FHIT: variants seen among roughly 807,000 people sequenced by gnomAD.
FHIT encodes the protein fragile histidine triad diadenosine triphosphatase, also known as bis(5'-adenosyl)-triphosphatase.
In FHIT, 19 loss-of-function variants were observed where a neutral mutation model predicts 17.9. That is an observed-to-expected ratio of 1.06 (90% CI 0.74 to 1.56). FHIT has a LOEUF of 1.56. FHIT is among the 40% of genes most tolerant of loss of function. The pLI is 0.00. For synonymous variants in FHIT, 81 were observed against 69.7 expected, an observed-to-expected ratio of 1.16 and a Z score of -0.81; for missense variants, 248 against 189.2, an observed-to-expected ratio of 1.31 and a Z score of -1.82.
intron 1 of FHIT, among the ~76,000 whole-genome samples, chr3:61,203,848 A>G (rs936955958): frequency 1.3e-5 from 2 of 152,242 alleles, no homozygotes; most frequent in African/African-American, 2.4e-5. Context: ...CTCTGTCTAT[A>G]TAAGCAAAGA....
intron 5 of FHIT, among the ~76,000 whole-genome samples, chr3:60,305,890 A>C (rs2106731597): frequency 6.6e-6 from 1 of 152,196 alleles, no homozygotes; most frequent in South Asian, 2.1e-4. Context: ...ACGGTTTTTG[A>C]ATTTGGAATT....
chr3:60,425,553 A>T (rs189463247), intron 5 of FHIT, among the ~76,000 whole-genome samples: 10 of 152,218 alleles, frequency 6.6e-5, no homozygotes, highest in Admixed American at 2.0e-4. Flanking sequence ...AAAGAAAATG[A>T]AGATTTTAAC....
intron 4 of FHIT, among the ~76,000 whole-genome samples, chr3:60,742,058 C>G (rs782433220): frequency 2.6e-5 from 4 of 152,170 alleles, no homozygotes; most frequent in Non-Finnish European, 5.9e-5. Flanking sequence ...TCAGACATTG[C>G]TACTTATCAG....
intron 2 of FHIT, among the ~76,000 whole-genome samples, chr3:61,051,823 T>C (rs13324938): frequency 0.13 from 20,225 of 152,128 alleles, 1,417 homozygotes; most frequent in South Asian, 0.18. Flanking sequence ...TTTTCCAAAG[T>C]AGAGTCAAAA....
intron 4 of FHIT, among the ~76,000 whole-genome samples, chr3:60,598,356 C>T (rs1197891256): frequency 6.6e-6 from 1 of 152,250 alleles, no homozygotes. Flanking sequence ...TATTAATAAA[C>T]TTACCATATT....
intron 5 of FHIT, among the ~76,000 whole-genome samples, chr3:60,054,700 G>A (rs563127408): frequency 6.4e-4 from 98 of 152,258 alleles, no homozygotes; most frequent in African/African-American, 2.3e-3. Context: ...GATGTTAGGT[G>A]CTGGGTTAAG....
chr3:60,597,291 GC>G (rs2038301639), intron 4 of FHIT, among the ~76,000 whole-genome samples: 2 of 151,996 alleles, frequency 1.3e-5, no homozygotes, highest in Admixed American at 1.3e-4. Context: ...GAGAACTTTT[GC>G]TATAAAATTG....
At position 61,048,428 on chromosome 3, in the gene FHIT, A is replaced by T. The variant is rs1470138076; in HGVS notation, c.-163-6329T>A. Reference sequence around the variant, plus strand: ...AAATGCAAATCAAAACCACAATGAGATACCATCTCACATCAGTTAGAATGA... The same window carrying T: ...AAATGCAAATCAAAACCACAATGAGTTACCATCTCACATCAGTTAGAATGA... On this transcript the variant is annotated intron_variant, in intron 2 of 9. Transcript: ENST00000492590. 3.3e-5 allele frequency among the ~76,000 whole-genome samples: 5 copies of T among 152,342 alleles called. No individual in the cohort carries two copies. In the East Asian group the frequency reaches 9.7e-4, roughly 29 times the overall value.
At chr3:60,327,215 C>G (rs1197242934) in intron 5 of FHIT, among the ~76,000 whole-genome samples, 1 of 152,208 alleles carries the variant, frequency 6.6e-6, no homozygotes, top group African/African-American at 2.4e-5. Context: ...AAAATGTGCT[C>G]CACCAGGGAA....
intron 8 of FHIT, among the ~76,000 whole-genome samples, chr3:59,912,921 A>G (rs550939026): frequency 9.2e-5 from 14 of 152,366 alleles, no homozygotes; most frequent in African/African-American, 2.9e-4. Flanking sequence ...TAGGGCAAGC[A>G]AAAGTATTTA....
rs182767770 is a variant in FHIT at position 60,833,513 on chromosome 3, T to A, written c.-110-11502A>T. Among the ~76,000 whole-genome samples, 462 of 152,332 alleles carry A rather than the reference T, an allele frequency of 3.0e-3. 2 individuals carry two copies. The highest frequency in any genetic ancestry group is 5.9e-3 in the Admixed American group (91 of 15,302). On this transcript the variant is annotated intron_variant, in intron 3 of 9. Coordinates refer to ENST00000492590, the MANE Select transcript of FHIT (RefSeq NM_002012.4). ...GGCCTTTTAAGGCAGCTTCTACAAT[T>A]GTATTCTGTGACCTTCTCCTCTATG... is the stretch of plus-strand genomic sequence containing the variant.
At chr3:60,580,047 T>C (rs1180805119) in intron 4 of FHIT, among the ~76,000 whole-genome samples, 2 of 152,152 alleles carry the variant, frequency 1.3e-5, no homozygotes, top group African/African-American at 4.8e-5. Flanking sequence ...GTTTTTCATG[T>C]CTGCACATCT....
intron 5 of FHIT, among the ~76,000 whole-genome samples, chr3:60,380,938 G>A (rs940672305): frequency 1.3e-5 from 2 of 150,532 alleles, no homozygotes; most frequent in Admixed American, 6.7e-5. Flanking sequence ...TCCACTATGC[G>A]AACATCATGG....
chr3:60,637,311 C>A (rs971647389), intron 4 of FHIT, among the ~76,000 whole-genome samples: 1 of 152,166 alleles, frequency 6.6e-6, no homozygotes, highest in Admixed American at 6.5e-5. Flanking sequence ...GCTTTTTGAT[C>A]AAAAATAATT....
intron 5 of FHIT, among the ~76,000 whole-genome samples, chr3:60,094,121 C>T (rs1703842849): frequency 6.6e-6 from 1 of 152,078 alleles, no homozygotes; most frequent in South Asian, 2.1e-4. Context: ...GACAGTGTTA[C>T]CCAGTGAAGT....
chr3:59,954,161 G>A (rs768902297), intron 7 of FHIT, among the ~76,000 whole-genome samples: 7 of 148,204 alleles, frequency 4.7e-5, no homozygotes, highest in African/African-American at 1.8e-4. Context: ...TTGCACTATT[G>A]TTTACAGCCA....
At chr3:60,662,448 T>C (rs782572184) in intron 4 of FHIT, among the ~76,000 whole-genome samples, 14 of 152,196 alleles carry the variant, frequency 9.2e-5, no homozygotes, top group Non-Finnish European at 1.5e-4. Flanking sequence ...TATGGTCTTA[T>C]AGTATAGTTT....
At chr3:60,020,107 C>T (rs1294219606) in intron 5 of FHIT, among the ~76,000 whole-genome samples, 1 of 152,174 alleles carries the variant, frequency 6.6e-6, no homozygotes, top group African/African-American at 2.4e-5. Flanking sequence ...CTGCAAAGGA[C>T]TGGTGGAGTC....
intron 5 of FHIT, among the ~76,000 whole-genome samples, chr3:60,107,150 CTTTTT>C (rs540311961): frequency 0.011 from 1,084 of 95,178 alleles, 6 homozygotes; most frequent in African/African-American, 0.042. Context: ...AGCTTTAATT[CTTTTT>C]TTTTTTTTTT....
Sources: allele counts gnomAD v4.1 joint callset (sites outside exome capture counted in the v4.1 genomes callset), GRCh38; gene constraint gnomAD v4.1.1; transcripts MANE v1.5; gene names NCBI Gene and HGNC (gene_info 2026-07-23, HGNC 2026-07-21).